The following CRB1 variants were observed in gnomAD, a reference collection of about 807,000 sequenced individuals.
The protein encoded by CRB1 is crumbs cell polarity complex component 1, also known as protein crumbs homolog 1.
A neutral mutation model predicts 120.0 loss-of-function variants in CRB1; 83 were observed. The ratio of observed to expected loss-of-function variants is 0.69; its 90% confidence interval spans 0.58 to 0.83. The LOEUF (loss-of-function observed/expected upper bound fraction) is 0.83. CRB1 is among the 40% of genes least tolerant of loss of function. CRB1 has a pLI of 0.00. For missense variants in CRB1, 1,699 were observed against 1,687.6 expected, an observed-to-expected ratio of 1.01 and a Z score of -0.12; for synonymous variants, 625 against 612.5, an observed-to-expected ratio of 1.02 and a Z score of -0.30.
intron 5 of CRB1, among the ~76,000 whole-genome samples, chr1:197,372,342 C>A (rs1245905530): frequency 1.3e-5 from 2 of 152,150 alleles, no homozygotes; most frequent in South Asian, 2.1e-4. Flanking sequence ...ACATACTGAT[C>A]TTTGATGTCA....
intron 4 of CRB1, among the ~76,000 whole-genome samples, chr1:197,353,045 T>G (rs1451484507): frequency 6.6e-6 from 1 of 152,232 alleles, no homozygotes; most frequent in Admixed American, 6.5e-5. Context: ...GTCTCTGTTT[T>G]GTGAAGCACA....
At chr1:197,389,849 C>A (rs1662406228) in intron 5 of CRB1, among the ~76,000 whole-genome samples, 1 of 151,974 alleles carries the variant, frequency 6.6e-6, no homozygotes, top group African/African-American at 2.4e-5. Flanking sequence ...TTTCTAAAGT[C>A]TTGAAAACTT....
At chr1:197,254,724 G>A in the CRB1 span, among the ~76,000 whole-genome samples, 2 of 152,042 alleles carry the variant, frequency 1.3e-5, no homozygotes, top group Non-Finnish European at 2.9e-5. Context: ...GCAATTATAG[G>A]CTTTGAATAA....
At chr1:197,272,158 G>T (rs572074692) in intron 1 of CRB1, among the ~76,000 whole-genome samples, 1 of 152,098 alleles carries the variant, frequency 6.6e-6, no homozygotes, top group Non-Finnish European at 1.5e-5. Context: ...ATTCATTAGG[G>T]AGTAATCACA....
intron 5 of CRB1, among the ~76,000 whole-genome samples, chr1:197,365,688 C>T (rs536503792): frequency 6.9e-6 from 1 of 145,414 alleles, no homozygotes; most frequent in Non-Finnish European, 1.5e-5. Flanking sequence ...CTTCCAGGCT[C>T]GCCTTGTGTT....
intron 4 of CRB1, among the ~76,000 whole-genome samples, chr1:197,354,093 T>C (rs1421913580): frequency 6.6e-6 from 1 of 150,990 alleles, no homozygotes; most frequent in East Asian, 1.9e-4. Flanking sequence ...AAAGTAACAG[T>C]GAGATACTAT....
chr1:197,365,775 G>A (rs1038350406), intron 5 of CRB1, among the ~76,000 whole-genome samples: 5 of 151,856 alleles, frequency 3.3e-5, no homozygotes, highest in Non-Finnish European at 4.4e-5. Context: ...GTTGCTGACC[G>A]GGGATCAGCA....
chr1:197,328,369 T>C, intron 1 of CRB1, 53 bp from the exon 2 acceptor site: 1 of 1,432,690 alleles, frequency 7.0e-7, no homozygotes, highest in East Asian at 2.3e-5. Context: ...GAAAGATTTT[T>C]AACTTTGTCC....
At chr1:197,283,365 A>G (rs1488978118) in intron 1 of CRB1, among the ~76,000 whole-genome samples, 5 of 151,618 alleles carry the variant, frequency 3.3e-5, no homozygotes, top group Admixed American at 6.6e-5. Flanking sequence ...ACTGAACCCA[A>G]TGTGTAGTCT....
chr1:197,302,155 C>A (rs930332919), intron 1 of CRB1, among the ~76,000 whole-genome samples: 1 of 152,152 alleles, frequency 6.6e-6, no homozygotes, highest in Non-Finnish European at 1.5e-5. Flanking sequence ...TTGCCACAGC[C>A]ATCTCAGCCT....
intron 5 of CRB1, chr1:197,357,639 T>C (rs1406708937): frequency 2.5e-5 from 4 of 158,936 alleles, no homozygotes; most frequent in African/African-American, 7.2e-5. Context: ...TACAATTGCA[T>C]TGATATCACT....
the CRB1 span, among the ~76,000 whole-genome samples, chr1:197,241,497 G>T: frequency 6.6e-6 from 1 of 152,138 alleles, no homozygotes; most frequent in Non-Finnish European, 1.5e-5. Flanking sequence ...GTTTGTCAAA[G>T]TTCGGATGGT....
chr1:197,203,864 T>C, the CRB1 span, among the ~76,000 whole-genome samples: 1 of 152,212 alleles, frequency 6.6e-6, no homozygotes, highest in South Asian at 2.1e-4. Context: ...AGTTCTTTAG[T>C]GGTGATTTCT....
intron 5 of CRB1, chr1:197,363,967 C>T (rs1037602056): frequency 1.8e-5 from 24 of 1,349,798 alleles, no homozygotes; most frequent in Middle Eastern, 1.8e-4. Context: ...GCCATGCGGC[C>T]GGCGACAGAG....
chr1:197,463,311 T>C (rs1285367453), intron 11 of CRB1, among the ~76,000 whole-genome samples: 2 of 152,072 alleles, frequency 1.3e-5, no homozygotes, highest in Non-Finnish European at 2.9e-5. Flanking sequence ...AACAAAACCC[T>C]TCCACCCATC....
chr1:197,349,907 T>C (rs1297619800), intron 4 of CRB1, among the ~76,000 whole-genome samples: 1 of 151,842 alleles, frequency 6.6e-6, no homozygotes, highest in African/African-American at 2.4e-5. Flanking sequence ...GAGACCATCC[T>C]GGCTAACAAG....
intron 2 of CRB1, among the ~76,000 whole-genome samples, chr1:197,331,912 C>T (rs973260919): frequency 6.6e-5 from 10 of 152,056 alleles, no homozygotes; most frequent in African/African-American, 1.4e-4. Context: ...TGGTGGCTCA[C>T]GCCTGTAATC....
At position 197,474,072 on chromosome 1, in the gene CRB1, G is replaced by A. The variant is rs373375827; in HGVS notation, c.4006-3592G>A. 3.3e-4 allele frequency among the ~76,000 whole-genome samples: 50 copies of A among 152,240 alleles called. 2 individuals are homozygous for A. In the East Asian group the frequency reaches 4.4e-3, roughly 14 times the overall value. On this transcript the variant is annotated intron_variant, in intron 11 of 11. Coordinates refer to ENST00000367400, the MANE Select transcript of CRB1 (RefSeq NM_201253.3). ...TTGGTCATACTGCAACGTCCTGAGG[G>A]AATTCTAGTTTATCTTTTAAAAGCA...
chr1:197,451,367 G>T (rs1164108614), intron 11 of CRB1, among the ~76,000 whole-genome samples: 1 of 152,166 alleles, frequency 6.6e-6, no homozygotes, highest in Admixed American at 6.5e-5. Flanking sequence ...GTAGTACACA[G>T]GGCTAAATAA....
Sources: allele counts gnomAD v4.1 joint callset (sites outside exome capture counted in the v4.1 genomes callset), GRCh38; gene constraint gnomAD v4.1.1; transcripts MANE v1.5; gene names NCBI Gene and HGNC (gene_info 2026-07-23, HGNC 2026-07-21).